The following AGAP2 variants were observed in gnomAD, a reference collection of about 807,000 sequenced individuals.
AGAP2 encodes the protein arf-GAP with GTPase, ANK repeat and PH domain-containing protein 2.
In AGAP2, 32 loss-of-function variants were observed where a neutral mutation model predicts 110.9. The observed-to-expected ratio is 0.29, with a 90% CI of 0.22 to 0.39. The LOEUF is 0.39. Ranked by LOEUF, AGAP2 falls within the 10% of genes least tolerant of loss-of-function variation. The pLI, the probability that AGAP2 is intolerant of heterozygous loss-of-function variation, is 1.00. For synonymous variants in AGAP2, 702 were observed against 713.0 expected (o/e 0.98, Z 0.25); for missense variants, 1,285 against 1,638.5 (o/e 0.78, Z 3.72).
At chr12:57,729,010 C>T (rs1263472009) in intron 13 of AGAP2, among the ~76,000 whole-genome samples, 3 of 151,656 alleles carry the variant, frequency 2.0e-5, no homozygotes, top group Non-Finnish European at 4.4e-5. Flanking sequence ...CCAGTCTCTA[C>T]TAAAAAATAC....
At position 57,732,870 on chromosome 12, in the gene AGAP2, G is replaced by C. The variant is rs751480042; in HGVS notation, c.1659C>G (p.Leu553=). 6 of 1,614,006 alleles carry C rather than the reference G, an allele frequency of 3.7e-6. No individual in the cohort carries two copies. The highest frequency in any genetic ancestry group is 5.1e-6 in the Non-Finnish European group (6 of 1,180,022). Residue 553 remains leucine (L), a synonymous_variant, in exon 6 of 19, where the codon CTC becomes CTG. Coordinates refer to ENST00000547588, the MANE Select transcript of AGAP2 (RefSeq NM_001122772.3). ...SYYETCATYG[L]NVDRVFQEVA... is the part of the protein sequence containing the mutation. Reference sequence around the variant, plus strand: ...CCTCCTGGAAGACCCGATCCACATTGAGCCCATAGGTTGCACAAGTCTCAT... The same window carrying C: ...CCTCCTGGAAGACCCGATCCACATTCAGCCCATAGGTTGCACAAGTCTCAT...
At chr12:57,735,527 C>CT in intron 1 of AGAP2, 100 bp from the exon 2 acceptor site, 2 of 1,124,516 alleles carry the variant, frequency 1.8e-6, no homozygotes, top group Non-Finnish European at 2.6e-6. Flanking sequence ...CAACCCCCCC[C>CT]CAACCCTGCC....
At chr12:57,736,912 T>C (rs1333014464) in intron 1 of AGAP2, among the ~76,000 whole-genome samples, 167 bp downstream of exon 1, 2 of 152,180 alleles carry the variant, frequency 1.3e-5, no homozygotes, top group African/African-American at 4.8e-5. Flanking sequence ...CTCGCCCCGC[T>C]TCAGGACTCC....
At position 57,737,855 on chromosome 12, in the gene AGAP2, G is replaced by C. The variant is rs1175960823; in HGVS notation, c.392C>G (p.Pro131Arg). 1 of 1,455,978 alleles carries C rather than the reference G, an allele frequency of 6.9e-7. No homozygotes were observed. The highest frequency in any genetic ancestry group is 8.9e-7 in the Non-Finnish European group (1 of 1,117,684). 90.2% of individuals were successfully genotyped at this position (1,455,978 alleles called of 1,614,324 possible). ...PPLSGGLSPDPKPGGAPTSSR... is the reference protein window; with the variant it reads ...PPLSGGLSPDRKPGGAPTSSR... The stretch of plus-strand genomic sequence containing the variant: ...GGAGGTGGGGGCGCCCCCAGGCTTG[G>C]GGTCGGGGCTCAGTCCCCCGGAGAG... Residue 131 changes from proline to arginine, a missense_variant, in exon 1 of 19, where the codon CCC (proline) becomes CGC (arginine). By Grantham distance (103) the Pro-to-Arg change is moderately radical (BLOSUM62 -2). Transcript: ENST00000547588. This position sits in a 1 kb window ranked among gnomAD's most constrained non-coding sequence, Gnocchi z 5.9.
chr12:57,724,041 C>G (rs768539235), downstream of AGAP2: 1 of 152,600 alleles, frequency 6.6e-6, no homozygotes, highest in African/African-American at 2.4e-5. Flanking sequence ...TACCTCCCCC[C>G]TCTTGTCGCT....
chr12:57,730,522 G>A lies in AGAP2; in HGVS notation c.2401C>T (p.Arg801Trp), dbSNP rs767564132. The A allele has an allele frequency of 4.3e-6, 7 of 1,614,050 alleles. No individual in the cohort carries two copies. The highest frequency in any genetic ancestry group is 1.7e-5 in the Admixed American group (1 of 60,012). Residue 801 changes from arginine to tryptophan, a missense_variant, in exon 12 of 19, where the codon CGG becomes TGG. Transcript: ENST00000547588. ...GTGCTGAGGGCTCGGGCCAAATTCC[G>A]GTCTGGCTTCAGCAGGTGTTTGGAT... is the stretch of plus-strand genomic sequence containing the variant. ...QTSKHLLKPD[R>W]NLARALSTDC... is the part of the protein sequence containing the mutation.
Position 57,727,145 on chromosome 12 carries a change from G to A in AGAP2, c.3165C>T (p.Gly1055=), listed in dbSNP as rs769584299. 3.7e-6 allele frequency: 6 copies of A among 1,604,292 alleles called. No homozygotes were observed. In the South Asian group the frequency reaches 4.5e-5, roughly 12 times the overall value. The change falls in exon 18 of 19, where the codon GGC becomes GGT. Residue 1055 remains glycine (G), a synonymous_variant. Coordinates refer to ENST00000547588, the MANE Select transcript of AGAP2 (RefSeq NM_001122772.3). ...APLSTSEEPL[G]RQLWAAVQAQ... Reference sequence around the variant, plus strand: ...CCTGCACGGCGGCCCACAGCTGGCGGCCCAGCGGCTCCTCCGAGGTGCTCA... The same window carrying A: ...CCTGCACGGCGGCCCACAGCTGGCGACCCAGCGGCTCCTCCGAGGTGCTCA...
In AGAP2 at chr12:57,728,199, G is replaced by A. The variant is rs776353790; in HGVS notation, c.2618-114C>T. 13 of 1,515,442 alleles carry A rather than the reference G, an allele frequency of 8.6e-6. No homozygotes were observed. The East Asian group carries it at 2.1e-4, about 24-fold the overall frequency. 93.9% of individuals were successfully genotyped at this position (1,515,442 alleles called of 1,614,324 possible). ...GAGCCCCTGGGAGTGGGGCAGTGGG[G>A]GTAGGGAAAGCAGAGGGTGGGGGGC... On this transcript the variant is annotated intron_variant, in intron 14 of 18. Transcript: ENST00000547588.
At chr12:57,741,016 C>T (rs74094230), upstream of AGAP2, among the ~76,000 whole-genome samples, 4,962 of 152,318 alleles carry the variant, frequency 0.033, 277 homozygotes, top group African/African-American at 0.11. Flanking sequence ...GTGTTTCCAC[C>T]AGACACCTTT....
intron 12 of AGAP2, 148 bp downstream of exon 12, chr12:57,730,347 A>G: frequency 8.9e-7 from 1 of 1,119,278 alleles, no homozygotes; most frequent in South Asian, 1.5e-5. Flanking sequence ...TATGATAGAC[A>G]TGGTATGATT....
chr12:57,727,298 G>A (rs1285814746), intron 17 of AGAP2, 62 bp downstream of exon 17: 1 of 1,609,748 alleles, frequency 6.2e-7, no homozygotes, highest in East Asian at 2.2e-5. Flanking sequence ...CCTACCCACG[G>A]GACCGTCTCA....
chr12:57,737,563 G>T lies in AGAP2; in HGVS notation c.684C>A (p.Ala228=), dbSNP rs747040329. Residue 228 remains alanine (A), a synonymous_variant, in exon 1 of 19, where the codon GCC becomes GCA. Transcript: ENST00000547588. This position sits in a 1 kb window ranked among gnomAD's most constrained non-coding sequence, Gnocchi z 5.9. ...CGGCAGAGACCGAAGCTCCAGTCCC[G>T]GCGCTGCTCTTTGACCCCTTGACCC... The part of the protein sequence containing the change: ...KPRVKGSKSS[A]GTGASVSAAA... The T allele has an allele frequency of 2.1e-5, 32 of 1,550,194 alleles. No homozygotes were observed. Among genetic ancestry groups the T allele is most frequent in the Non-Finnish European group, 3.5e-6 (4 of 1,147,736 alleles).
intron 12 of AGAP2, 118 bp from the exon 13 acceptor site, chr12:57,729,885 T>G: frequency 1.2e-5 from 17 of 1,411,018 alleles, no homozygotes; most frequent in Non-Finnish European, 1.6e-5. Context: ...TCCTCAACTG[T>G]CCCTCTCCAG....
In AGAP2 at chr12:57,731,741, G is replaced by C. The variant is rs1022252990; in HGVS notation, c.1953+68C>G. The C allele has an allele frequency of 1.4e-5, 22 of 1,575,748 alleles. No homozygotes were observed. The African/African-American group carries it at 2.4e-4, about 17-fold the overall frequency. On this transcript the variant is annotated intron_variant, in intron 8 of 18. Coordinates refer to ENST00000547588, the MANE Select transcript of AGAP2 (RefSeq NM_001122772.3). ...AAGAAGGGCCCAACAGAGGAGTCTA[G>C]GGACTAGGGAAGATGGGCAGGTCAT...
rs1954885419 is a variant in AGAP2 at position 57,731,573 on chromosome 12, C to T, written c.2023G>A (p.Ala675Thr). The change falls in exon 9 of 19, where the codon GCC (alanine) becomes ACC (threonine). Residue 675 changes from alanine (A) to threonine (T), a missense_variant. Physicochemically the swap from Ala to Thr is moderately conservative, Grantham distance 58. Coordinates refer to ENST00000547588, the MANE Select transcript of AGAP2 (RefSeq NM_001122772.3). ...TCACTCACCTGTTTGATGGGGATGG[C>T]TCGCCCACTCCCTGTTGTCTCTCCC... ...SRGETTGSGR[A>T]IPIKQSFLLK... 2 of 1,613,988 alleles carry T rather than the reference C, an allele frequency of 1.2e-6. No individual in the cohort carries two copies. The highest frequency in any genetic ancestry group is 1.3e-5 in the African/African-American group (1 of 74,882).
At chr12:57,724,905 C>T (rs1420299335), downstream of AGAP2, 1 of 152,388 alleles carries the variant, frequency 6.6e-6, no homozygotes, top group Non-Finnish European at 1.5e-5. Context: ...CTCCATGGGC[C>T]TGTCCTCTCC....
intron 5 of AGAP2, 79 bp downstream of exon 5, chr12:57,733,947 T>C (rs1954931010): frequency 6.7e-7 from 1 of 1,482,710 alleles, no homozygotes; most frequent in African/African-American, 1.4e-5. Context: ...CTTACCAAGT[T>C]CTCACCCATG....
rs1166978004 is a variant in AGAP2, at chr12:57,738,290, C to T, written c.-44G>A. 1.7e-5 allele frequency: 25 copies of T among 1,449,674 alleles called. No individual in the cohort carries two copies. Among genetic ancestry groups the T allele is most frequent in the African/African-American group, 3.0e-5 (2 of 66,932 alleles). 89.8% of individuals were successfully genotyped at this position (1,449,674 alleles called of 1,614,324 possible). A position where few individuals can be genotyped will look rare whatever the true frequency, so the allele number is the denominator to read the frequency against. ...AGCTGGGGAGGGGAGGGGACTCCCCCGGACTGCCTCAGGGGGGCCCGGCCA... is the reference window on the plus strand; with the variant it reads ...AGCTGGGGAGGGGAGGGGACTCCCCTGGACTGCCTCAGGGGGGCCCGGCCA... On this transcript the variant is annotated 5_prime_UTR_variant, in exon 1 of 19. Coordinates refer to ENST00000547588, the MANE Select transcript of AGAP2 (RefSeq NM_001122772.3). This position sits in a 1 kb window ranked among gnomAD's most constrained non-coding sequence, Gnocchi z 6.7.
chr12:57,732,329 CTG>C (rs1954901379), intron 7 of AGAP2, 72 bp downstream of exon 7: 1 of 1,384,502 alleles, frequency 7.2e-7, no homozygotes, highest in African/African-American at 1.4e-5. Flanking sequence ...CTTGGGTACT[CTG>C]TACCTGTCCT....
Sources: gnomAD v4.1 joint callset for allele counts (sites outside exome capture counted in the v4.1 genomes callset) on GRCh38, gnomAD v4.1.1 for gene constraint, Gnocchi (gnomAD v3.1) non-coding constraint, MANE v1.5 for transcripts, NCBI Gene and HGNC (gene_info 2026-07-23, HGNC 2026-07-21) for gene names.